The following PLD1 variants were observed in gnomAD, a reference collection of about 807,000 sequenced individuals.
PLD1 encodes the protein phospholipase D1.
Under a neutral mutation model 137.1 loss-of-function variants are expected in PLD1, and 112 were observed. That is an observed-to-expected ratio of 0.82 (90% CI 0.70 to 0.96). PLD1 has a LOEUF of 0.96. PLD1 is among the 40% of genes least tolerant of loss of function. PLD1 has a pLI of 0.00. For missense variants in PLD1, 1,321 were observed against 1,342.0 expected (o/e 0.98, Z 0.24); for synonymous variants, 431 against 454.7 (o/e 0.95, Z 0.66).
chr3:171,639,848 C>CTCTCTCTCTCTCTATATATATATATA (rs3050415), intron 23 of PLD1, among the ~76,000 whole-genome samples: 13 of 110,188 alleles, frequency 1.2e-4, no homozygotes, highest in African/African-American at 5.1e-4. Flanking sequence ...CTCTCTCTCT[C>CTCTCTCTCTCTCTATATATATATATA]TATATATATA....
At chr3:171,639,847 T>C (rs1178572493) in intron 23 of PLD1, among the ~76,000 whole-genome samples, 1 of 119,414 alleles carries the variant, frequency 8.4e-6, no homozygotes, top group East Asian at 2.4e-4. Context: ...TCTCTCTCTC[T>C]CTATATATAT....
At chr3:171,799,850 A>C (rs1215008452) in intron 1 of PLD1, among the ~76,000 whole-genome samples, 1 of 152,226 alleles carries the variant, frequency 6.6e-6, no homozygotes, top group South Asian at 2.1e-4. Flanking sequence ...AAAAATCCCA[A>C]CTGAGGGACA....
At position 171,612,864 on chromosome 3, in the gene PLD1, G is replaced by A. The variant is rs1732779920; in HGVS notation, c.2729-432C>T. 6.6e-6 allele frequency among the ~76,000 whole-genome samples: 1 copy of A among 152,116 alleles called. No individual in the cohort carries two copies. The highest frequency in any genetic ancestry group is 2.4e-5 in the African/African-American group (1 of 41,420). On this transcript the variant is annotated intron_variant, in intron 24 of 26. Coordinates refer to ENST00000351298, the MANE Select transcript of PLD1 (RefSeq NM_002662.5). The surrounding 1 kb of genome is among the most constrained non-coding windows in gnomAD (Gnocchi z 4.1). ...TAGAGAACAAACAAAAAAGCTTAAA[G>A]AAAATGCTAAGTAGAAAAAAGAGCC...
At chr3:171,729,451 C>G (rs535935866) in intron 6 of PLD1, among the ~76,000 whole-genome samples, 2 of 152,148 alleles carry the variant, frequency 1.3e-5, no homozygotes, top group Non-Finnish European at 2.9e-5. Context: ...TTGGCAATCA[C>G]GTACACACTG....
At chr3:171,798,002 A>C in intron 1 of PLD1, among the ~76,000 whole-genome samples, 1 of 152,228 alleles carries the variant, frequency 6.6e-6, no homozygotes, top group African/African-American at 2.4e-5. Flanking sequence ...ATAACAGTTA[A>C]GTGTCACTGA....
At chr3:171,709,018 G>T in intron 10 of PLD1, 180 bp from the exon 11 acceptor site, 1 of 579,870 alleles carries the variant, frequency 1.7e-6, no homozygotes, top group Non-Finnish European at 3.1e-6. Context: ...CTGCTGCCTA[G>T]GAAGGGCAGT....
chr3:171,684,910 T>A (rs1422351425), intron 16 of PLD1, among the ~76,000 whole-genome samples: 1 of 152,146 alleles, frequency 6.6e-6, no homozygotes, highest in Non-Finnish European at 1.5e-5. Context: ...TAAATATATA[T>A]CGATGCTGTT....
chr3:171,803,202 G>C (rs1723713420), intron 1 of PLD1, among the ~76,000 whole-genome samples: 1 of 152,210 alleles, frequency 6.6e-6, no homozygotes, highest in African/African-American at 2.4e-5. Flanking sequence ...GAATGCAGTT[G>C]AGACTTGTAC....
chr3:171,803,429 C>A (rs1458042586), intron 1 of PLD1, among the ~76,000 whole-genome samples: 1 of 152,168 alleles, frequency 6.6e-6, no homozygotes, highest in African/African-American at 2.4e-5. Context: ...GCTTAGCAAC[C>A]AGGTCCGGGT....
intron 1 of PLD1, among the ~76,000 whole-genome samples, chr3:171,765,894 A>G (rs1488793352): frequency 1.3e-5 from 2 of 152,228 alleles, no homozygotes; most frequent in African/African-American, 2.4e-5. Context: ...AGGTATTTAC[A>G]TGAACTTCCT....
chr3:171,796,675 T>C (rs1406721425), intron 1 of PLD1, among the ~76,000 whole-genome samples: 6 of 152,166 alleles, frequency 3.9e-5, no homozygotes, highest in Admixed American at 3.9e-4. Flanking sequence ...TCTTATCCAT[T>C]ATTTCTTCTG....
At position 171,709,657 on chromosome 3, in the gene PLD1, C is replaced by T. The variant is rs777338090; in HGVS notation, c.964G>A (p.Ala322Thr). 5.0e-6 allele frequency: 8 copies of T among 1,613,758 alleles called. No individual in the cohort carries two copies. Among genetic ancestry groups the T allele is most frequent in the Middle Eastern group, 1.6e-4 (1 of 6,084 alleles). ...TGTTTCTGGATGAATTCTTCTATAG[C>T]CCCTCCCCACCACCGAGCATGTCTA... ...SYRHARWWGG[A>T]IEEFIQKHGT... The change falls in exon 10 of 27, where the codon GCT becomes ACT. Residue 322 changes from alanine (A) to threonine (T), a missense_variant. By Grantham distance (58) the Ala-to-Thr change is moderately conservative (BLOSUM62 0). Coordinates refer to ENST00000351298, the MANE Select transcript of PLD1 (RefSeq NM_002662.5).
chr3:171,602,982 G>A lies in PLD1; in HGVS notation c.*96C>T. ...AGGTCCTTGGGTTGGATACGAGAAT[G>A]CGTCAGGCCTGGCTTTGGCTATGAC... On this transcript the variant is annotated 3_prime_UTR_variant, in exon 27 of 27. Transcript: ENST00000351298. 1 of 832,456 alleles carries A rather than the reference G, an allele frequency of 1.2e-6. No homozygotes were observed. The allele number at this position is 832,456 out of a possible 1,614,324, so 51.6% of individuals were successfully genotyped here. A position where few individuals can be genotyped will look rare whatever the true frequency, so the allele number is the denominator to read the frequency against.
intron 19 of PLD1, among the ~76,000 whole-genome samples, chr3:171,670,947 C>T (rs747684693): frequency 2.0e-5 from 3 of 152,124 alleles, no homozygotes; most frequent in Non-Finnish European, 4.4e-5. Context: ...GTCATTAACA[C>T]CTGTACTTTG....
At chr3:171,795,566 C>G (rs1055348001) in intron 1 of PLD1, among the ~76,000 whole-genome samples, 1 of 152,146 alleles carries the variant, frequency 6.6e-6, no homozygotes, top group African/African-American at 2.4e-5. Flanking sequence ...CACAAGACAC[C>G]ACCTATCATC....
intron 19 of PLD1, among the ~76,000 whole-genome samples, chr3:171,664,578 G>A (rs982927480): frequency 7.3e-5 from 11 of 151,608 alleles, no homozygotes; most frequent in African/African-American, 2.2e-4. Context: ...CTGCCTCAGC[G>A]TCCCAAGTAG....
intron 20 of PLD1, among the ~76,000 whole-genome samples, chr3:171,659,745 T>C (rs1737512485): frequency 6.6e-6 from 1 of 152,176 alleles, no homozygotes. Context: ...TAAAGCCTGG[T>C]CTAGTTTTCT....
chr3:171,707,545 AAC>A (rs1716787806), intron 11 of PLD1, among the ~76,000 whole-genome samples: 1 of 152,196 alleles, frequency 6.6e-6, no homozygotes, highest in Admixed American at 6.5e-5. Flanking sequence ...AAAATTTGGT[AAC>A]AATAGAAAGA....
At chr3:171,669,558 C>T (rs951114935) in intron 19 of PLD1, among the ~76,000 whole-genome samples, 8 of 152,204 alleles carry the variant, frequency 5.3e-5, no homozygotes, top group African/African-American at 1.7e-4. Context: ...TGCGCCATAA[C>T]GCCCAGCTAA....
Sources: allele counts gnomAD v4.1 joint callset (sites outside exome capture counted in the v4.1 genomes callset), GRCh38; gene constraint gnomAD v4.1.1; non-coding constraint Gnocchi (gnomAD v3.1); transcripts MANE v1.5; gene names NCBI Gene and HGNC (gene_info 2026-07-23, HGNC 2026-07-21).